The following ADCK1 variants were observed in gnomAD, a reference collection of about 807,000 sequenced individuals.
ADCK1 encodes aarF domain-containing protein kinase 1.
In ADCK1, 41 loss-of-function variants were observed where a neutral mutation model predicts 52.3. The ratio of observed to expected loss-of-function variants is 0.78; its 90% CI spans 0.61 to 1.02. The LOEUF (loss-of-function observed/expected upper bound fraction) is 1.02, where lower values mean the gene tolerates loss of function less well. Among genes scored for constraint, ADCK1 ranks in the 50% least tolerant of loss-of-function variants. The pLI is 0.00. For synonymous variants in ADCK1, 250 were observed against 274.6 expected (o/e 0.91, Z 0.89); for missense variants, 658 against 679.5 (o/e 0.97, Z 0.35).
Position 77,887,077 on chromosome 14 carries a change from T to C in ADCK1, c.424-14T>C. 1 of 1,558,442 alleles carries C rather than the reference T, an allele frequency of 6.4e-7. No homozygotes were observed. The highest frequency in any genetic ancestry group is 8.7e-7 in the Non-Finnish European group (1 of 1,153,028). ...TCATCTTTTTCATTGCTCTGTTCTC[T>C]CCACTCCCGACAGATCCATGATTTG... is the stretch of plus-strand genomic sequence containing the variant. On this transcript the variant is annotated splice_polypyrimidine_tract_variant and intron_variant, in intron 4 of 10. Coordinates refer to ENST00000238561, the MANE Select transcript of ADCK1 (RefSeq NM_020421.4).
intron 3 of ADCK1, among the ~76,000 whole-genome samples, chr14:77,853,633 TA>T (rs2082359159): frequency 6.6e-6 from 1 of 152,214 alleles, no homozygotes; most frequent in Non-Finnish European, 1.5e-5. Context: ...TCCCATGAAC[TA>T]TGAGATTTTT....
chr14:77,832,395 C>T (rs1216170860), intron 3 of ADCK1, among the ~76,000 whole-genome samples: 1 of 152,152 alleles, frequency 6.6e-6, no homozygotes, highest in East Asian at 1.9e-4. Context: ...CTGTCGTTTC[C>T]CTGTATATCT....
At chr14:77,896,466 G>T (rs1428760355) in intron 5 of ADCK1, among the ~76,000 whole-genome samples, 2 of 152,248 alleles carry the variant, frequency 1.3e-5, no homozygotes, top group African/African-American at 2.4e-5. Flanking sequence ...CTGGAGTTGA[G>T]ATTGGAGCAA....
At chr14:77,881,647 C>A (rs932343911) in intron 4 of ADCK1, among the ~76,000 whole-genome samples, 1 of 152,146 alleles carries the variant, frequency 6.6e-6, no homozygotes, top group Non-Finnish European at 1.5e-5. Context: ...GTTTCTCACC[C>A]TTTTCCCCCC....
intron 3 of ADCK1, among the ~76,000 whole-genome samples, chr14:77,831,132 CCT>C (rs1228999990): frequency 2.0e-5 from 3 of 152,296 alleles, no homozygotes; most frequent in African/African-American, 7.2e-5. Flanking sequence ...GCTGGACAAG[CCT>C]CTCAGTTGGG....
In ADCK1 at chr14:77,858,034, C is replaced by G. The variant is rs115175154; in HGVS notation, c.220-1042C>G. ...GGCGGCAGATGGGGCCACCTCCCAA[C>G]TCTGGAAGGACCGGTGAGCATCCGG... is the stretch of plus-strand genomic sequence containing the variant. On this transcript the variant is annotated intron_variant, in intron 3 of 10. Coordinates refer to ENST00000238561, the MANE Select transcript of ADCK1 (RefSeq NM_020421.4). 9.8e-3 allele frequency among the ~76,000 whole-genome samples: 1,490 copies of G among 152,270 alleles called. 26 individuals carry two copies. Among genetic ancestry groups the G allele is most frequent in the African/African-American group, 0.034 (1,404 of 41,554 alleles).
intron 4 of ADCK1, among the ~76,000 whole-genome samples, chr14:77,884,982 A>C (rs565549204): frequency 6.6e-6 from 1 of 152,356 alleles, no homozygotes; most frequent in East Asian, 1.9e-4. Flanking sequence ...AGGAAGGTCT[A>C]GCCATTTCAA....
intron 9 of ADCK1, among the ~76,000 whole-genome samples, chr14:77,926,458 C>G (rs1356627192): frequency 6.6e-6 from 1 of 152,208 alleles, no homozygotes; most frequent in East Asian, 1.9e-4. Context: ...GGGTGCTCAT[C>G]TCATTGTCTG....
chr14:77,861,068 C>T (rs1400396431), intron 4 of ADCK1, among the ~76,000 whole-genome samples: 1 of 152,150 alleles, frequency 6.6e-6, no homozygotes, highest in East Asian at 1.9e-4. Context: ...GAAGACGTCG[C>T]CTGATCTTCA....
In ADCK1 at chr14:77,923,340, G is replaced by A. The variant is rs144547712; in HGVS notation, c.859-1117G>A. On this transcript the variant is annotated intron_variant, in intron 7 of 10. Coordinates refer to ENST00000238561, the MANE Select transcript of ADCK1 (RefSeq NM_020421.4). The surrounding 1 kb of genome is among the most constrained non-coding windows in gnomAD (Gnocchi z 4.3). The stretch of plus-strand genomic sequence containing the variant: ...GGCAGCAGGAATAGCATGTGCAAAG[G>A]CCCTGAGGCCAGAAAGCACACGGAT... 10 of 152,538 alleles carry A rather than the reference G, an allele frequency of 6.6e-5. No individual in the cohort carries two copies. The East Asian group carries it at 1.5e-3, about 24-fold the overall frequency. The allele number at this position is 152,538 out of a possible 1,614,324, so 9.4% of individuals were successfully genotyped here.
In ADCK1 at chr14:77,817,959, T is replaced by C. The variant is rs138341801; in HGVS notation, c.-11-1009T>C. Among the ~76,000 whole-genome samples the C allele has an allele frequency of 3.4e-3, 512 of 152,014 alleles. 4 individuals are homozygous for C. Among genetic ancestry groups the C allele is most frequent in the Middle Eastern group, 0.02 (6 of 294 alleles). On this transcript the variant is annotated intron_variant, in intron 1 of 10. Transcript: ENST00000238561. ...TTCATCGTGTTAGCCAGGATGGTCT[T>C]GATCTCCTGACCTTGTGATCTGCCC...
intron 2 of ADCK1, among the ~76,000 whole-genome samples, chr14:77,821,471 C>G (rs2081580933): frequency 6.6e-6 from 1 of 152,076 alleles, no homozygotes; most frequent in East Asian, 1.9e-4. Context: ...CCCAGTTACT[C>G]AATTCTATAA....
intron 4 of ADCK1, among the ~76,000 whole-genome samples, chr14:77,873,878 T>C (rs1466738579): frequency 6.6e-6 from 1 of 152,242 alleles, no homozygotes; most frequent in Non-Finnish European, 1.5e-5. Flanking sequence ...TGGGTATGTC[T>C]TTATTAGCAG....
chr14:77,897,428 G>A (rs558290507), intron 5 of ADCK1, among the ~76,000 whole-genome samples: 6 of 152,186 alleles, frequency 3.9e-5, no homozygotes, highest in Non-Finnish European at 7.3e-5. Context: ...TGGTGGGGCA[G>A]CCTTAGGATT....
intron 5 of ADCK1, among the ~76,000 whole-genome samples, chr14:77,887,859 G>A (rs948494764): frequency 6.6e-6 from 1 of 152,180 alleles, no homozygotes; most frequent in South Asian, 2.1e-4. Flanking sequence ...CACCGCCTAC[G>A]GGGAGGTCAG....
chr14:77,913,285 C>A (rs2083837321), intron 7 of ADCK1, among the ~76,000 whole-genome samples: 1 of 152,218 alleles, frequency 6.6e-6, no homozygotes, highest in Non-Finnish European at 1.5e-5. Context: ...AAGCCAGGGG[C>A]TCAGGCCTTG....
intron 5 of ADCK1, among the ~76,000 whole-genome samples, chr14:77,897,773 A>G (rs1224074648): frequency 6.6e-6 from 1 of 152,250 alleles, no homozygotes; most frequent in Non-Finnish European, 1.5e-5. Flanking sequence ...TCAACTTAAG[A>G]AATAAAGTAA....
intron 5 of ADCK1, among the ~76,000 whole-genome samples, chr14:77,898,085 C>T (rs1306763206): frequency 6.6e-6 from 1 of 152,176 alleles, no homozygotes; most frequent in Non-Finnish European, 1.5e-5. Flanking sequence ...CAGTGAGACT[C>T]TGTCTCTACA....
intron 7 of ADCK1, chr14:77,908,236 T>A: frequency 5.2e-6 from 1 of 192,948 alleles, no homozygotes; most frequent in East Asian, 1.4e-4. Flanking sequence ...GACTTAATCC[T>A]TTTGGCTCTG....
Sources: allele counts gnomAD v4.1 joint callset (sites outside exome capture counted in the v4.1 genomes callset), GRCh38; gene constraint gnomAD v4.1.1; non-coding constraint Gnocchi (gnomAD v3.1); transcripts MANE v1.5; gene names NCBI Gene and HGNC (gene_info 2026-07-23, HGNC 2026-07-21).